SLC2A1: variants seen among roughly 807,000 people sequenced by gnomAD.
SLC2A1 encodes the protein solute carrier family 2, facilitated glucose transporter member 1.
A neutral mutation model predicts 46.6 loss-of-function variants in SLC2A1; 4 were observed. The ratio of observed to expected loss-of-function variants is 0.09; its 90% CI spans 0.04 to 0.20. The LOEUF (loss-of-function observed/expected upper bound fraction) is 0.20, where lower values mean the gene tolerates loss of function less well. Ranked by LOEUF, SLC2A1 falls within the 10% of genes least tolerant of loss-of-function variation. SLC2A1 has a pLI of 1.00. For missense variants in SLC2A1, 352 were observed against 667.0 expected, an observed-to-expected ratio of 0.53 and a Z score of 5.20; for synonymous variants, 253 against 270.0, an observed-to-expected ratio of 0.94 and a Z score of 0.62.
intron 1 of SLC2A1, among the ~76,000 whole-genome samples, chr1:42,947,565 TACACACAC>T (rs373252084): frequency 4.8e-4 from 43 of 89,752 alleles, no homozygotes; most frequent in African/African-American, 1.8e-3. Flanking sequence ...CTACTAAAAT[TACACACAC>T]ACACACACAA....
chr1:42,934,473 G>C (rs948660697), intron 2 of SLC2A1, among the ~76,000 whole-genome samples: 2 of 152,118 alleles, frequency 1.3e-5, no homozygotes, highest in African/African-American at 2.4e-5. Context: ...TGCTGGTTCC[G>C]GTGCTCTGTG....
intron 1 of SLC2A1, among the ~76,000 whole-genome samples, chr1:42,944,138 G>C (rs1335090328): frequency 1.3e-5 from 2 of 152,188 alleles, no homozygotes; most frequent in African/African-American, 4.8e-5. Flanking sequence ...TGCACAAGGT[G>C]AGTAAGAGTG....
In SLC2A1 at chr1:42,926,637, T is replaced by C. The variant is rs1044642562; in HGVS notation, c.*404A>G. 14 of 1,176,522 alleles carry C rather than the reference T, an allele frequency of 1.2e-5. No individual in the cohort carries two copies. In the African/African-American group the frequency reaches 2.1e-4, roughly 17 times the overall value. 72.9% of individuals were successfully genotyped at this position (1,176,522 alleles called of 1,614,324 possible). A position where few individuals can be genotyped will look rare whatever the true frequency, so the allele number is the denominator to read the frequency against. The stretch of plus-strand genomic sequence containing the variant: ...TTTGTAGTTCATAGTTCGATTAGTG[T>C]GTCCTTAGGACATAGGTCCAGCCCT... On this transcript the variant is annotated 3_prime_UTR_variant, in exon 10 of 10. Transcript: ENST00000426263.
At chr1:42,941,476 C>G (rs905657237) in intron 2 of SLC2A1, among the ~76,000 whole-genome samples, 3 of 152,204 alleles carry the variant, frequency 2.0e-5, no homozygotes, top group Non-Finnish European at 2.9e-5. Context: ...CCTGCTCACC[C>G]CAACCCTGTT....
At position 42,930,220 on chromosome 1, in the gene SLC2A1, C is replaced by T; in HGVS notation, c.517-185G>A. The T allele has an allele frequency of 1.4e-6, 1 of 697,758 alleles. No individual in the cohort carries two copies. The highest frequency in any genetic ancestry group is 1.7e-5 in the South Asian group (1 of 58,120). 43.2% of individuals were successfully genotyped at this position (697,758 alleles called of 1,614,324 possible). A position where few individuals can be genotyped will look rare whatever the true frequency, so the allele number is the denominator to read the frequency against. On this transcript the variant is annotated intron_variant, in intron 4 of 9. Coordinates refer to ENST00000426263, the MANE Select transcript of SLC2A1 (RefSeq NM_006516.4). This position sits in a 1 kb window ranked among gnomAD's most constrained non-coding sequence, Gnocchi z 6.2. ...CATCGGTCACATGGGAAAAGTAGGA[C>T]CTACCCCACAGTGTTGCTGGGAGGA... is the stretch of plus-strand genomic sequence containing the variant.
intron 1 of SLC2A1, among the ~76,000 whole-genome samples, chr1:42,956,058 C>T (rs747993395): frequency 3.9e-5 from 6 of 152,200 alleles, no homozygotes; most frequent in Middle Eastern, 3.4e-3. Context: ...TAACATCATG[C>T]ACAAAAAGGC....
chr1:42,931,357 T>C (rs567428254), intron 2 of SLC2A1, 151 bp from the exon 3 acceptor site: 11 of 788,214 alleles, frequency 1.4e-5, no homozygotes, highest in East Asian at 1.4e-4. Context: ...CCCTCTATTT[T>C]TGTGGGCCTC....
In SLC2A1 at chr1:42,951,248, G is replaced by A. The variant is rs146292688; in HGVS notation, c.18+7386C>T. Among the ~76,000 whole-genome samples, 6 of 152,290 alleles carry A rather than the reference G, an allele frequency of 3.9e-5. No individual in the cohort carries two copies. The East Asian group carries it at 1.2e-3, about 29-fold the overall frequency. ...GGGGCTGCTATTTCTTAATCATGGT[G>A]GGACATGCCTGTAATGAAGTATTAT... is the stretch of plus-strand genomic sequence containing the variant. On this transcript the variant is annotated intron_variant, in intron 1 of 9. Coordinates refer to ENST00000426263, the MANE Select transcript of SLC2A1 (RefSeq NM_006516.4).
chr1:42,927,293 TG>T lies in SLC2A1; in HGVS notation c.1279-53del. On this transcript the variant is annotated intron_variant, in intron 9 of 9. Coordinates refer to ENST00000426263, the MANE Select transcript of SLC2A1 (RefSeq NM_006516.4). The surrounding 1 kb of genome is among the most constrained non-coding windows in gnomAD (Gnocchi z 5.3). ...TGGAGTCATGACCCTACATCCTGGC[TG>T]TAGGACTTTGGATAAGTCACTTTAC... The T allele has an allele frequency of 6.5e-7, 1 of 1,549,460 alleles. No individual in the cohort carries two copies. The highest frequency in any genetic ancestry group is 8.9e-7 in the Non-Finnish European group (1 of 1,123,152).
rs764359011 is a variant in SLC2A1 at position 42,926,660 on chromosome 1, C to A, written c.*381G>T. The A allele has an allele frequency of 7.8e-7, 1 of 1,279,098 alleles. No individual in the cohort carries two copies. Among genetic ancestry groups the A allele is most frequent in the Admixed American group, 2.3e-5 (1 of 43,782 alleles). 79.2% of individuals were successfully genotyped at this position (1,279,098 alleles called of 1,614,324 possible). ...TGTGTCCTTAGGACATAGGTCCAGCCCTACAGATTAGCTGGGTGAAGAAGG... is the reference window on the plus strand; with the variant it reads ...TGTGTCCTTAGGACATAGGTCCAGCACTACAGATTAGCTGGGTGAAGAAGG... On this transcript the variant is annotated 3_prime_UTR_variant, in exon 10 of 10. Coordinates refer to ENST00000426263, the MANE Select transcript of SLC2A1 (RefSeq NM_006516.4).
Position 42,927,525 on chromosome 1 carries a change from T to G in SLC2A1, c.1278+80A>C. 1 of 1,368,246 alleles carries G rather than the reference T, an allele frequency of 7.3e-7. No individual in the cohort carries two copies. Among genetic ancestry groups the G allele is most frequent in the Non-Finnish European group, 1.0e-6 (1 of 966,046 alleles). The allele number at this position is 1,368,246 out of a possible 1,614,324, so 84.8% of individuals were successfully genotyped here. ...GTTTCCTCCTCAGCATGATTCCTAA[T>G]GAGAATGCTGGGCCAGCACTTTGCA... On this transcript the variant is annotated intron_variant, in intron 9 of 9. Transcript: ENST00000426263. The surrounding 1 kb of genome is among the most constrained non-coding windows in gnomAD (Gnocchi z 5.3).
rs1643429120 is a variant in SLC2A1 at position 42,926,635 on chromosome 1, T to C, written c.*406A>G. 3.4e-6 allele frequency: 4 copies of C among 1,165,772 alleles called. No homozygotes were observed. The highest frequency in any genetic ancestry group is 2.6e-5 in the Admixed American group (1 of 38,412). The allele number at this position is 1,165,772 out of a possible 1,614,324, so 72.2% of individuals were successfully genotyped here. A position where few individuals can be genotyped will look rare whatever the true frequency, so the allele number is the denominator to read the frequency against. ...GCTTTGTAGTTCATAGTTCGATTAG[T>C]GTGTCCTTAGGACATAGGTCCAGCC... is the stretch of plus-strand genomic sequence containing the variant. On this transcript the variant is annotated 3_prime_UTR_variant, in exon 10 of 10. Transcript: ENST00000426263.
At chr1:42,936,303 G>A (rs1477096535) in intron 2 of SLC2A1, among the ~76,000 whole-genome samples, 3 of 152,182 alleles carry the variant, frequency 2.0e-5, no homozygotes, top group Non-Finnish European at 1.5e-5. Context: ...CAGCTTCTCC[G>A]GCTTAGCCTC....
Position 42,930,550 on chromosome 1 carries a change from G to A in SLC2A1, c.516+76C>T, listed in dbSNP as rs1334044401. 1.3e-6 allele frequency: 2 copies of A among 1,591,228 alleles called. No homozygotes were observed. Among genetic ancestry groups the A allele is most frequent in the Non-Finnish European group, 1.7e-6 (2 of 1,165,826 alleles). Reference sequence around the variant, plus strand: ...CTGGGCGGAAGAGAAACTCTGCCCTGCTGGGCACAGATCCGAGAGCCACTG... The same window carrying A: ...CTGGGCGGAAGAGAAACTCTGCCCTACTGGGCACAGATCCGAGAGCCACTG... On this transcript the variant is annotated intron_variant, in intron 4 of 9. Transcript: ENST00000426263. The surrounding 1 kb of genome is among the most constrained non-coding windows in gnomAD (Gnocchi z 6.2).
chr1:42,928,137 G>A (rs1012767664), intron 8 of SLC2A1, among the ~76,000 whole-genome samples: 1 of 152,338 alleles, frequency 6.6e-6, no homozygotes, highest in African/African-American at 2.4e-5. Context: ...ATTCCTGGGG[G>A]TGGGGTGGAT....
rs948961795 is a variant in SLC2A1, at chr1:42,926,581, G to C, written c.*460C>G. 2 of 639,060 alleles carry C rather than the reference G, an allele frequency of 3.1e-6. No homozygotes were observed. The highest frequency in any genetic ancestry group is 6.5e-5 in the Admixed American group (2 of 30,732). The allele number at this position is 639,060 out of a possible 1,614,324, so 39.6% of individuals were successfully genotyped here. A position where few individuals can be genotyped will look rare whatever the true frequency, so the allele number is the denominator to read the frequency against. On this transcript the variant is annotated 3_prime_UTR_variant, in exon 10 of 10. Coordinates refer to ENST00000426263, the MANE Select transcript of SLC2A1 (RefSeq NM_006516.4). ...TGGGGAGATCCAGGCCAGCAGAACG[G>C]GTGGCCATAGCCACCTCCTGGGATA...
intron 2 of SLC2A1, among the ~76,000 whole-genome samples, chr1:42,942,475 G>A (rs1643607366): frequency 6.6e-6 from 1 of 150,934 alleles, no homozygotes. Context: ...AGATGGTCTA[G>A]GTCCCTTCCC....
chr1:42,929,226 G>C lies in SLC2A1; in HGVS notation c.956C>G (p.Ala319Gly), dbSNP rs1643460472. 1 of 1,613,872 alleles carries C rather than the reference G, an allele frequency of 6.2e-7. No homozygotes were observed. Among genetic ancestry groups the C allele is most frequent in the Non-Finnish European group, 8.5e-7 (1 of 1,179,848 alleles). ...AAGACTCACCGACACGACAGTGAAGGCCGTGTTGACGATACCGGAGCCAAT... is the reference window on the plus strand; with the variant it reads ...AAGACTCACCGACACGACAGTGAAGCCCGTGTTGACGATACCGGAGCCAAT... ...ATIGSGIVNT[A>G]FTVVSLFVVE... Residue 319 changes from alanine (A) to glycine (G), a missense_variant, in exon 7 of 10, where the codon GCC (alanine) becomes GGC (glycine). By Grantham distance (60) the Ala-to-Gly change is moderately conservative. Coordinates refer to ENST00000426263, the MANE Select transcript of SLC2A1 (RefSeq NM_006516.4). This position sits in a 1 kb window ranked among gnomAD's most constrained non-coding sequence, Gnocchi z 6.0.
intron 1 of SLC2A1, among the ~76,000 whole-genome samples, chr1:42,955,529 G>C (rs527903845): frequency 6.6e-6 from 1 of 152,166 alleles, no homozygotes; most frequent in Non-Finnish European, 1.5e-5. Context: ...AGAATCGCTT[G>C]AGCCTGGGAG....
Sources: gnomAD v4.1 joint callset for allele counts (sites outside exome capture counted in the v4.1 genomes callset) on GRCh38, gnomAD v4.1.1 for gene constraint, Gnocchi (gnomAD v3.1) non-coding constraint, MANE v1.5 for transcripts, NCBI Gene and HGNC (gene_info 2026-07-23, HGNC 2026-07-21) for gene names.